LINC00237: variants seen among roughly 807,000 people sequenced by gnomAD.
LINC00237 encodes the protein long independently transcribed non-coding RNA 237.
chr20:21,101,169 G>T lies in LINC00237; in HGVS notation n.88+5102C>A, dbSNP rs1040402038. Among the ~76,000 whole-genome samples, 6 of 152,218 alleles carry T rather than the reference G, an allele frequency of 3.9e-5. No individual in the cohort carries two copies. Among genetic ancestry groups the T allele is most frequent in the African/African-American group, 9.6e-5 (4 of 41,464 alleles). ...GGGATGGGGAAATTACTTGATTAGCGTCCATCGGAGGAGAACACGGTTACA... is the reference window on the plus strand; with the variant it reads ...GGGATGGGGAAATTACTTGATTAGCTTCCATCGGAGGAGAACACGGTTACA... On this transcript the variant is annotated intron_variant and non_coding_transcript_variant, in intron 1 of 3. Transcript: ENST00000691244. The surrounding 1 kb of genome is among the most constrained non-coding windows in gnomAD (Gnocchi z 4.3).
exon 2 of LINC00237, chr20:21,093,846 G>C (rs903335194): frequency 6.6e-6 from 1 of 152,224 alleles, no homozygotes; most frequent in Admixed American, 6.5e-5. Flanking sequence ...TGCTGCCCCA[G>C]TCTCTTCTGT....
chr20:21,095,121 G>A (rs928775326), intron 1 of LINC00237, among the ~76,000 whole-genome samples: 2 of 152,182 alleles, frequency 1.3e-5, no homozygotes, highest in Non-Finnish European at 2.9e-5. Flanking sequence ...GCTGCACATT[G>A]TGGCTTGCTT....
chr20:21,097,227 A>G (rs1028938080), intron 1 of LINC00237, among the ~76,000 whole-genome samples: 6 of 152,254 alleles, frequency 3.9e-5, no homozygotes, highest in Non-Finnish European at 8.8e-5. Context: ...CCCACCCAGC[A>G]CAGCTCATTT....
chr20:21,098,178 C>G (rs974361741), intron 1 of LINC00237, among the ~76,000 whole-genome samples: 4 of 152,118 alleles, frequency 2.6e-5, no homozygotes, highest in Non-Finnish European at 5.9e-5. Context: ...CATGGTTCCC[C>G]AAAGGATTGA....
intron 3 of LINC00237, among the ~76,000 whole-genome samples, chr20:21,087,070 C>A (rs2030722093): frequency 6.9e-6 from 1 of 144,912 alleles, no homozygotes; most frequent in African/African-American, 2.5e-5. Flanking sequence ...TATATACACA[C>A]CCACACCCAC....
At chr20:21,089,827 T>TCTAG (rs1344142901) in intron 2 of LINC00237, 1 of 152,210 alleles carries the variant, frequency 6.6e-6, no homozygotes, top group East Asian at 1.9e-4. Context: ...AGCGAAGGCG[T>TCTAG]CTAGATTTGG....
intron 2 of LINC00237, among the ~76,000 whole-genome samples, chr20:21,092,272 A>G (rs1334049833): frequency 3.3e-5 from 5 of 152,202 alleles, no homozygotes; most frequent in African/African-American, 1.2e-4. Flanking sequence ...TGATCAAGGG[A>G]TAAAGATGGA....
At chr20:21,103,215 C>T (rs2030956412) in intron 1 of LINC00237, among the ~76,000 whole-genome samples, 1 of 152,268 alleles carries the variant, frequency 6.6e-6, no homozygotes, top group African/African-American at 2.4e-5. Context: ...CGCACACCTG[C>T]CCATCTTTCC....
At chr20:21,104,798 T>C (rs2030976442) in intron 1 of LINC00237, among the ~76,000 whole-genome samples, 1 of 152,226 alleles carries the variant, frequency 6.6e-6, no homozygotes, top group African/African-American at 2.4e-5. Flanking sequence ...TGTTTACATA[T>C]TCTCTCTGGG....
intron 1 of LINC00237, among the ~76,000 whole-genome samples, chr20:21,094,752 G>A (rs575708590): frequency 2.0e-5 from 3 of 151,986 alleles, no homozygotes; most frequent in African/African-American, 7.2e-5. Flanking sequence ...GATCCTGTCT[G>A]TTAAAAAAAT....
In LINC00237 at chr20:21,101,756, C is replaced by A. The variant is rs1283975612; in HGVS notation, n.88+4515G>T. On this transcript the variant is annotated intron_variant and non_coding_transcript_variant, in intron 1 of 3. Coordinates refer to ENST00000691244, the Ensembl canonical transcript of LINC00237. The surrounding 1 kb of genome is among the most constrained non-coding windows in gnomAD (Gnocchi z 4.3). ...TGTCACGATTGGGCTTGGGCTTGGGCTTGGCCTTGGTCAAGAAAGGTTTCC... is the reference window on the plus strand; with the variant it reads ...TGTCACGATTGGGCTTGGGCTTGGGATTGGCCTTGGTCAAGAAAGGTTTCC... Among the ~76,000 whole-genome samples the A allele has an allele frequency of 6.6e-6, 1 of 152,246 alleles. No homozygotes were observed. Among genetic ancestry groups the A allele is most frequent in the Non-Finnish European group, 1.5e-5 (1 of 68,052 alleles).
chr20:21,094,893 T>C (rs1292003704), intron 1 of LINC00237, among the ~76,000 whole-genome samples: 1 of 152,060 alleles, frequency 6.6e-6, no homozygotes, highest in Non-Finnish European at 1.5e-5. Flanking sequence ...GTACTAAAAA[T>C]ACAAAAAATT....
At chr20:21,087,102 A>G (rs1454907602) in intron 3 of LINC00237, among the ~76,000 whole-genome samples, 1 of 150,392 alleles carries the variant, frequency 6.6e-6, no homozygotes, top group African/African-American at 2.4e-5. Context: ...GTAGAGAGAG[A>G]GACAGAAACA....
chr20:21,086,417 G>A (rs1368289814), intron 3 of LINC00237, among the ~76,000 whole-genome samples: 1 of 150,990 alleles, frequency 6.6e-6, no homozygotes, highest in Non-Finnish European at 1.5e-5. Context: ...GGCTTGTTTG[G>A]TGCATACCTT....
chr20:21,088,371 T>A (rs1424823266), intron 2 of LINC00237, among the ~76,000 whole-genome samples: 1 of 152,202 alleles, frequency 6.6e-6, no homozygotes. Context: ...GAGCCAGGAT[T>A]TGAACCAAAG....
intron 1 of LINC00237, among the ~76,000 whole-genome samples, chr20:21,102,628 G>A (rs1441899914): frequency 1.3e-5 from 2 of 149,972 alleles, no homozygotes; most frequent in Non-Finnish European, 3.0e-5. Flanking sequence ...AGCCCTTGCC[G>A]TCTTAAATAA....
intron 2 of LINC00237, chr20:21,090,425 A>G (rs1170505365): frequency 1.3e-5 from 2 of 152,130 alleles, no homozygotes; most frequent in Admixed American, 1.3e-4. Flanking sequence ...GAAACTGTTT[A>G]TTTCCAAATT....
chr20:21,102,696 G>A (rs373513205), intron 1 of LINC00237, among the ~76,000 whole-genome samples: 478 of 130,592 alleles, frequency 3.7e-3, no homozygotes, highest in Non-Finnish European at 4.0e-3. Flanking sequence ...TATTTTATAA[G>A]AAAAAAAAAA....
chr20:21,086,840 T>G (rs1398483431), intron 3 of LINC00237, among the ~76,000 whole-genome samples: 1 of 128,298 alleles, frequency 7.8e-6, no homozygotes, highest in Non-Finnish European at 1.6e-5. Flanking sequence ...ATACTATATA[T>G]GTATAGTATA....
Sources: gnomAD v4.1 joint callset for allele counts (sites outside exome capture counted in the v4.1 genomes callset) on GRCh38, gnomAD v4.1.1 for gene constraint, Gnocchi (gnomAD v3.1) non-coding constraint, MANE v1.5 for transcripts, NCBI Gene and HGNC (gene_info 2026-07-23, HGNC 2026-07-21) for gene names.